CRELD1: variants seen among roughly 807,000 people sequenced by gnomAD.
CRELD1 encodes the protein CRELD disulfide isomerase 1.
A neutral mutation model predicts 58.2 loss-of-function variants in CRELD1; 42 were observed. That is an observed-to-expected ratio of 0.72 (90% CI 0.56 to 0.93). CRELD1 has a LOEUF of 0.93. Among genes scored for constraint, CRELD1 ranks in the 40% least tolerant of loss-of-function variants. CRELD1 has a pLI of 0.00. For missense variants in CRELD1, 500 were observed against 540.6 expected, an observed-to-expected ratio of 0.92 and a Z score of 0.74; for synonymous variants, 222 against 202.0, an observed-to-expected ratio of 1.10 and a Z score of -0.84.
At chr3:9,944,284 G>T (rs1287726940) in intron 10 of CRELD1, 81 bp from the exon 11 acceptor site, 2 of 1,257,328 alleles carry the variant, frequency 1.6e-6, no homozygotes, top group East Asian at 2.3e-5. Flanking sequence ...ATGATCAGGT[G>T]TGTGGGAGTT....
chr3:9,939,622 C>G (rs1372831781), intron 5 of CRELD1, among the ~76,000 whole-genome samples: 1 of 152,208 alleles, frequency 6.6e-6, no homozygotes, highest in East Asian at 1.9e-4. Flanking sequence ...GGACACAGCA[C>G]ATGTTTCAGA....
rs529775462 is a variant in CRELD1, at chr3:9,944,831, C to CA, written c.*256dup. ...GGCAGGCTTCACAATGTGTGAATTT[C>CA]AAAAGTTTTTCCTTAATGGTGGCTG... On this transcript the variant is annotated 3_prime_UTR_variant, in exon 11 of 11. Transcript: ENST00000452070. The CA allele has an allele frequency of 9.9e-4, 541 of 544,698 alleles. 1 individual carries two copies. The highest frequency in any genetic ancestry group is 1.6e-3 in the Non-Finnish European group (471 of 301,826). The allele number at this position is 544,698 out of a possible 1,614,324, so 33.7% of individuals were successfully genotyped here.
intron 7 of CRELD1, among the ~76,000 whole-genome samples, chr3:9,941,656 G>A (rs1178201907): frequency 4.6e-5 from 7 of 151,934 alleles, no homozygotes; most frequent in African/African-American, 1.5e-4. Flanking sequence ...TGGGCGTGGT[G>A]GCGGGTGCCT....
chr3:9,944,003 G>C (rs376412721), intron 10 of CRELD1: 1 of 968,862 alleles, frequency 1.0e-6, no homozygotes, highest in Non-Finnish European at 1.7e-6. Context: ...GATGCAGAGA[G>C]ATGAAGCTAC....
In CRELD1 at chr3:9,941,185, C is replaced by T. The variant is rs1295164618; in HGVS notation, c.712C>T (p.Leu238=). The change falls in exon 7 of 11, where the codon CTG becomes TTG. Residue 238 remains leucine, a synonymous_variant. Transcript: ENST00000452070. ...NCLQCKKGWA[L]HHLKCVDIDE... Reference sequence around the variant, plus strand: ...TTTGCAATGCAAGAAGGGCTGGGCCCTGCATCACCTCAAGTGTGTAGGTAA... The same window carrying T: ...TTTGCAATGCAAGAAGGGCTGGGCCTTGCATCACCTCAAGTGTGTAGGTAA... 1 of 1,613,920 alleles carries T rather than the reference C, an allele frequency of 6.2e-7. No homozygotes were observed. Among genetic ancestry groups the T allele is most frequent in the Non-Finnish European group, 8.5e-7 (1 of 1,179,970 alleles).
intron 9 of CRELD1, 95 bp downstream of exon 9, chr3:9,943,267 G>A (rs2085419583): frequency 1.9e-6 from 3 of 1,595,492 alleles, no homozygotes. Flanking sequence ...GGGGAAGGAA[G>A]GGTGGAATGT....
At chr3:9,943,223 A>C in intron 9 of CRELD1, 51 bp downstream of exon 9, 1 of 1,590,464 alleles carries the variant, frequency 6.3e-7, no homozygotes, top group Non-Finnish European at 8.6e-7. Flanking sequence ...CTCACCCAGC[A>C]TGAATGGTGA....
At chr3:9,940,700 G>C in intron 5 of CRELD1, 150 bp from the exon 6 acceptor site, 1 of 601,020 alleles carries the variant, frequency 1.7e-6, no homozygotes, top group Admixed American at 2.3e-5. Flanking sequence ...GGAGAGGGAG[G>C]CCATGGGGAG....
chr3:9,943,026 C>T (rs772178038), intron 8 of CRELD1, 51 bp from the exon 9 acceptor site: 2 of 1,583,396 alleles, frequency 1.3e-6, no homozygotes, highest in Non-Finnish European at 1.7e-6. Context: ...GAGCGTGGCT[C>T]CCCTGGGCCT....
In CRELD1 at chr3:9,941,184, C is replaced by T; in HGVS notation, c.711C>T (p.Ala237=). The T allele has an allele frequency of 6.2e-7, 1 of 1,614,036 alleles. No individual in the cohort carries two copies. Among genetic ancestry groups the T allele is most frequent in the African/African-American group, 1.3e-5 (1 of 75,044 alleles). Residue 237 remains alanine, a synonymous_variant, in exon 7 of 11, where the codon GCC becomes GCT. Transcript: ENST00000452070. ...SNCLQCKKGW[A]LHHLKCVDID... is the part of the protein sequence containing the mutation. ...GTTTGCAATGCAAGAAGGGCTGGGC[C>T]CTGCATCACCTCAAGTGTGTAGGTA...
intron 9 of CRELD1, 69 bp downstream of exon 9, chr3:9,943,241 G>A: frequency 1.3e-6 from 2 of 1,589,764 alleles, no homozygotes; most frequent in Non-Finnish European, 1.7e-6. Flanking sequence ...TGAAGAGGCT[G>A]GAATATGGGC....
intron 5 of CRELD1, among the ~76,000 whole-genome samples, chr3:9,939,517 A>T (rs2085288120): frequency 6.6e-6 from 1 of 152,054 alleles, no homozygotes; most frequent in Non-Finnish European, 1.5e-5. Context: ...ACTTGAGATC[A>T]AGGAGTGGTG....
At chr3:9,937,814 T>C in intron 4 of CRELD1, 142 bp downstream of exon 4, 1 of 778,018 alleles carries the variant, frequency 1.3e-6, no homozygotes, top group South Asian at 1.5e-5. Flanking sequence ...TGCTAAGAAC[T>C]TGCCGGGGGA....
At chr3:9,940,208 C>T (rs1196184556) in intron 5 of CRELD1, among the ~76,000 whole-genome samples, 1 of 151,366 alleles carries the variant, frequency 6.6e-6, no homozygotes, top group Non-Finnish European at 1.5e-5. Context: ...AGAGAGGCTC[C>T]TCATATCCCA....
chr3:9,943,849 G>A (rs1048448877), intron 10 of CRELD1: 6 of 1,613,826 alleles, frequency 3.7e-6, no homozygotes, highest in South Asian at 2.2e-5. Context: ...TAATCACAAC[G>A]ATGATGGCAG....
chr3:9,941,138 C>A lies in CRELD1; in HGVS notation c.665C>A (p.Ser222Ter). 1.2e-6 allele frequency: 2 copies of A among 1,614,208 alleles called. No homozygotes were observed. Among genetic ancestry groups the A allele is most frequent in the Non-Finnish European group, 1.7e-6 (2 of 1,180,040 alleles). ...TGTTTTGGCCCCTGTGCCCGATGCT[C>A]AGGACCTGAGGAATCAAACTGTTTG... ...SACFGPCARC[S>*]GPEESNCLQC... Residue 222 changes from serine (S) to a stop codon, truncating the protein, a stop_gained, in exon 7 of 11, where the codon TCA becomes TAA. Transcript: ENST00000452070. LOFTEE classifies it high-confidence loss of function.
rs369068348 is a variant in CRELD1, at chr3:9,939,313, A to G, written c.460+1207A>G. ...AAATGTTTACTGATATGCAGAGCAG[A>G]AAATATTATCTTGTTTTTTTTGTTT... On this transcript the variant is annotated intron_variant, in intron 5 of 10. Transcript: ENST00000452070. Among the ~76,000 whole-genome samples, 11 of 152,342 alleles carry G rather than the reference A, an allele frequency of 7.2e-5. 1 individual carries two copies. The East Asian group carries it at 9.6e-4, about 13-fold the overall frequency.
chr3:9,943,624 C>G, intron 10 of CRELD1, 109 bp downstream of exon 10: 1 of 1,591,216 alleles, frequency 6.3e-7, no homozygotes, highest in Non-Finnish European at 8.6e-7. Flanking sequence ...CCTACTGCCA[C>G]CCAGCCCCCT....
chr3:9,944,083 G>C lies in CRELD1; in HGVS notation c.1049-282G>C, dbSNP rs745377584. ...AATCCAGACAGTCTGACCGTGGAAC[G>C]AGACTCATACACGTAATAAATGCTC... On this transcript the variant is annotated intron_variant, in intron 10 of 10. Transcript: ENST00000452070. 1 of 795,704 alleles carries C rather than the reference G, an allele frequency of 1.3e-6. No homozygotes were observed. Among genetic ancestry groups the C allele is most frequent in the Admixed American group, 1.7e-5 (1 of 59,048 alleles). 49.3% of individuals were successfully genotyped at this position (795,704 alleles called of 1,614,324 possible).
Sources: allele counts gnomAD v4.1 joint callset (sites outside exome capture counted in the v4.1 genomes callset), GRCh38; gene constraint gnomAD v4.1.1; transcripts MANE v1.5; gene names NCBI Gene and HGNC (gene_info 2026-07-23, HGNC 2026-07-21).